Variants in FYN observed in about 807,000 individuals in gnomAD.
FYN encodes the protein FYN proto-oncogene, Src family tyrosine kinase.
In FYN, 10 loss-of-function variants were observed where a neutral mutation model predicts 70.2. That is an observed-to-expected ratio of 0.14 (90% CI 0.09 to 0.24). The LOEUF is 0.24. FYN is among the 10% of genes least tolerant of loss of function. FYN has a pLI of 1.00. For synonymous variants in FYN, 236 were observed against 248.6 expected, an observed-to-expected ratio of 0.95 and a Z score of 0.48; for missense variants, 319 against 673.1, an observed-to-expected ratio of 0.47 and a Z score of 5.82.
In FYN at chr6:111,661,504, A is replaced by T. The variant is rs1334116666; in HGVS notation, c.*235T>A. Reference sequence around the variant, plus strand: ...CTTTTACATAACATCGATACAATGCATTTTCCAAAGTCTGAGAAATAACAA... The same window carrying T: ...CTTTTACATAACATCGATACAATGCTTTTTCCAAAGTCTGAGAAATAACAA... On this transcript the variant is annotated 3_prime_UTR_variant, in exon 14 of 14. Transcript: ENST00000354650. The surrounding 1 kb of genome is among the most constrained non-coding windows in gnomAD (Gnocchi z 4.0). 9.7e-6 allele frequency: 5 copies of T among 514,638 alleles called. No individual in the cohort carries two copies. The highest frequency in any genetic ancestry group is 1.7e-5 in the Non-Finnish European group (5 of 289,004). 31.9% of individuals were successfully genotyped at this position (514,638 alleles called of 1,614,324 possible). A position where few individuals can be genotyped will look rare whatever the true frequency, so the allele number is the denominator to read the frequency against.
At chr6:111,717,647 A>G (rs1800722314) in intron 4 of FYN, among the ~76,000 whole-genome samples, 1 of 152,142 alleles carries the variant, frequency 6.6e-6, no homozygotes, top group Non-Finnish European at 1.5e-5. Flanking sequence ...ATTTTTTAGT[A>G]GAGACGGGGT....
intron 1 of FYN, among the ~76,000 whole-genome samples, chr6:111,848,293 C>T (rs1773588384): frequency 6.6e-6 from 1 of 152,212 alleles, no homozygotes; most frequent in Non-Finnish European, 1.5e-5. Context: ...CTTGGAGAAT[C>T]ATTACCATTT....
At chr6:111,666,890 C>T (rs139842128) in intron 13 of FYN, among the ~76,000 whole-genome samples, 125 of 152,268 alleles carry the variant, frequency 8.2e-4, no homozygotes, top group African/African-American at 2.8e-3. Context: ...CATGGAACAT[C>T]TCCTTGTCAA....
rs201879371 is a variant in FYN at position 111,664,059 on chromosome 6, ATTTACTGTT to A, written c.1406-2121_1406-2113del. The stretch of plus-strand genomic sequence containing the variant: ...CAAAACCTGAACTGATTACGAGGCT[ATTTACTGTT>A]TTTATTTCTTCATACATATTGCCCA... On this transcript the variant is annotated intron_variant, in intron 13 of 13. Coordinates refer to ENST00000354650, the MANE Select transcript of FYN (RefSeq NM_002037.5). Among the ~76,000 whole-genome samples the A allele has an allele frequency of 3.9e-4, 60 of 152,282 alleles. No homozygotes were observed. The East Asian group carries it at 6.8e-3, about 17-fold the overall frequency.
At chr6:111,760,684 T>C (rs1802968790) in intron 3 of FYN, among the ~76,000 whole-genome samples, 1 of 152,232 alleles carries the variant, frequency 6.6e-6, no homozygotes, top group Non-Finnish European at 1.5e-5. Context: ...GAGCCCAGGC[T>C]GCAATTAGGT....
At chr6:111,856,543 C>T (rs1444711212) in intron 1 of FYN, among the ~76,000 whole-genome samples, 3 of 151,912 alleles carry the variant, frequency 2.0e-5, no homozygotes, top group African/African-American at 7.3e-5. Flanking sequence ...TAAATTTAAT[C>T]TATATGGACA....
chr6:111,815,189 A>T (rs1358902274), intron 2 of FYN, among the ~76,000 whole-genome samples: 2 of 152,194 alleles, frequency 1.3e-5, no homozygotes, highest in African/African-American at 4.8e-5. Flanking sequence ...GGCAGTTCAT[A>T]TTCGGTCAGC....
intron 2 of FYN, among the ~76,000 whole-genome samples, chr6:111,781,569 C>T (rs1054775021): frequency 1.3e-5 from 2 of 152,166 alleles, no homozygotes; most frequent in African/African-American, 4.8e-5. Context: ...CAAGCTCACC[C>T]CAGCTTTTCG....
chr6:111,702,645 C>T (rs1033858192), intron 8 of FYN: 4 of 377,008 alleles, frequency 1.1e-5, no homozygotes, highest in African/African-American at 8.3e-5. Flanking sequence ...TTGCTTTCTA[C>T]TTGGGAAACA....
At chr6:111,704,200 C>G in intron 6 of FYN, 98 bp from the exon 7 acceptor site, 1 of 854,212 alleles carries the variant, frequency 1.2e-6, no homozygotes, top group Non-Finnish European at 1.9e-6. Context: ...CCCTCTCCTC[C>G]AATTTAGTCC....
chr6:111,680,924 G>A (rs955796432), intron 12 of FYN, among the ~76,000 whole-genome samples: 8 of 152,022 alleles, frequency 5.3e-5, no homozygotes, highest in Non-Finnish European at 1.2e-4. Flanking sequence ...TCTCCCCTGT[G>A]GGCTCTTCTT....
At chr6:111,847,492 T>C (rs947113145) in intron 1 of FYN, among the ~76,000 whole-genome samples, 1 of 152,214 alleles carries the variant, frequency 6.6e-6, no homozygotes, top group African/African-American at 2.4e-5. Context: ...TACAACAATA[T>C]GTTAGGGCAG....
At chr6:111,734,269 A>T (rs73542106) in intron 3 of FYN, among the ~76,000 whole-genome samples, 80 of 152,210 alleles carry the variant, frequency 5.3e-4, no homozygotes, top group African/African-American at 1.8e-3. Context: ...AATTATGAGG[A>T]CTCATGGAAT....
chr6:111,767,670 G>A (rs1031363442), intron 3 of FYN, among the ~76,000 whole-genome samples: 19 of 152,198 alleles, frequency 1.2e-4, no homozygotes, highest in Middle Eastern at 3.2e-3. Flanking sequence ...AAAGTGCTGG[G>A]ATTACAGGCA....
At chr6:111,817,152 A>G (rs1163383527) in intron 2 of FYN, among the ~76,000 whole-genome samples, 1 of 152,158 alleles carries the variant, frequency 6.6e-6, no homozygotes, top group Non-Finnish European at 1.5e-5. Flanking sequence ...ATGAAATCAT[A>G]TATTTCTACC....
intron 3 of FYN, among the ~76,000 whole-genome samples, chr6:111,750,091 T>G (rs1351967300): frequency 6.6e-6 from 1 of 152,220 alleles, no homozygotes; most frequent in African/African-American, 2.4e-5. Context: ...CTCCTGCCTT[T>G]ATGTACTTGG....
chr6:111,865,086 T>C (rs1455442100), intron 1 of FYN, among the ~76,000 whole-genome samples: 1 of 152,210 alleles, frequency 6.6e-6, no homozygotes, highest in Non-Finnish European at 1.5e-5. Flanking sequence ...CAGAAACAAG[T>C]AGTCCTCTAA....
intron 2 of FYN, chr6:111,798,568 T>C (rs1278612676): frequency 6.6e-6 from 1 of 152,232 alleles, no homozygotes; most frequent in Non-Finnish European, 1.5e-5. Flanking sequence ...TTGTCCTACA[T>C]ACCCTGATCC....
At chr6:111,834,770 G>T (rs2114428602) in intron 2 of FYN, among the ~76,000 whole-genome samples, 1 of 152,290 alleles carries the variant, frequency 6.6e-6, no homozygotes, top group East Asian at 1.9e-4. Context: ...GTTGCCTCCT[G>T]TTCACAAAAG....
Sources: gnomAD v4.1 joint callset for allele counts (sites outside exome capture counted in the v4.1 genomes callset) on GRCh38, gnomAD v4.1.1 for gene constraint, Gnocchi (gnomAD v3.1) non-coding constraint, MANE v1.5 for transcripts, NCBI Gene and HGNC (gene_info 2026-07-23, HGNC 2026-07-21) for gene names.